The following TMEM220 variants were observed in gnomAD, a reference collection of about 807,000 sequenced individuals.
The protein encoded by TMEM220 is transmembrane protein 220.
In TMEM220, 21 loss-of-function variants were observed where a neutral mutation model predicts 21.7. That is an observed-to-expected ratio of 0.97 (90% CI 0.69 to 1.39). The LOEUF is 1.39. Among genes scored for constraint, TMEM220 ranks in the 40% most tolerant of loss-of-function variants. The pLI is 0.00. For synonymous variants in TMEM220, 80 were observed against 73.6 expected (o/e 1.09, Z -0.45); for missense variants, 191 against 201.9 (o/e 0.95, Z 0.33).
intron 4 of TMEM220, chr17:10,724,329 C>T (rs1327308103): frequency 1.3e-5 from 2 of 152,350 alleles, no homozygotes; most frequent in African/African-American, 2.4e-5. Flanking sequence ...TGCCTGTAAT[C>T]CCAGCACTTT....
intron 3 of TMEM220, 119 bp downstream of exon 3, chr17:10,726,085 G>T: frequency 1.4e-6 from 1 of 738,620 alleles, no homozygotes; most frequent in Non-Finnish European, 2.4e-6. Flanking sequence ...TTTATTATCA[G>T]AAATGAGAAG....
At position 10,729,907 on chromosome 17, in the gene TMEM220, C is replaced by A; in HGVS notation, c.-56G>T. On this transcript the variant is annotated 5_prime_UTR_variant, in exon 1 of 6. Transcript: ENST00000341871. ...TCCTGCCACGTGCGGGGCGGTGAGT[C>A]CTGCCACGTACGGTCCGCCTTCCTC... 3 of 1,273,688 alleles carry A rather than the reference C, an allele frequency of 2.4e-6. No individual in the cohort carries two copies. The highest frequency in any genetic ancestry group is 2.6e-5 in the South Asian group (1 of 39,058). 78.9% of individuals were successfully genotyped at this position (1,273,688 alleles called of 1,614,324 possible). A position where few individuals can be genotyped will look rare whatever the true frequency, so the allele number is the denominator to read the frequency against.
In TMEM220 at chr17:10,723,330, C is replaced by T. The variant is rs765354230; in HGVS notation, c.288-1G>A. The stretch of plus-strand genomic sequence containing the variant: ...AATAATCACCAGACCAGACAGCTCC[C>T]TATAAAAGGGTGTACATTTCAGATT... On this transcript the variant is annotated splice_acceptor_variant, in intron 4 of 5. Coordinates refer to ENST00000341871, the MANE Select transcript of TMEM220 (RefSeq NM_001004313.3). LOFTEE classifies it high-confidence loss of function. The T allele has an allele frequency of 6.2e-7, 1 of 1,613,898 alleles. No individual in the cohort carries two copies. The highest frequency in any genetic ancestry group is 8.5e-7 in the Non-Finnish European group (1 of 1,179,822).
intron 5 of TMEM220, among the ~76,000 whole-genome samples, chr17:10,718,268 T>C (rs2074946437): frequency 6.6e-6 from 1 of 152,238 alleles, no homozygotes; most frequent in Non-Finnish European, 1.5e-5. Context: ...TATCCACTTA[T>C]GATTTTTACA....
Position 10,714,277 on chromosome 17 carries a change from A to G in TMEM220, c.*1176T>C, listed in dbSNP as rs1405635009. On this transcript the variant is annotated 3_prime_UTR_variant, in exon 6 of 6. Transcript: ENST00000341871. ...GGAAATACTTTATCTGTATTTAGGT[A>G]TCATAAAATTTGCAATTGGAAAATT... 2 of 152,132 alleles carry G rather than the reference A, an allele frequency of 1.3e-5. No homozygotes were observed. The highest frequency in any genetic ancestry group is 4.8e-5 in the African/African-American group (2 of 41,438). The allele number at this position is 152,132 out of a possible 1,614,324, so 9.4% of individuals were successfully genotyped here.
Position 10,729,075 on chromosome 17 carries a change from T to C in TMEM220, c.73-15A>G. On this transcript the variant is annotated splice_polypyrimidine_tract_variant and intron_variant, in intron 1 of 5. Coordinates refer to ENST00000341871, the MANE Select transcript of TMEM220 (RefSeq NM_001004313.3). ...GGGTCATTTACCTGGAACGCCAGAATACCAAGGTGTTAGCAGACATCCTGT... is the reference window on the plus strand; with the variant it reads ...GGGTCATTTACCTGGAACGCCAGAACACCAAGGTGTTAGCAGACATCCTGT... The C allele has an allele frequency of 6.2e-7, 1 of 1,614,170 alleles. No homozygotes were observed. Among genetic ancestry groups the C allele is most frequent in the Non-Finnish European group, 8.5e-7 (1 of 1,179,978 alleles).
chr17:10,723,215 G>A (rs1005087834), intron 5 of TMEM220, 55 bp downstream of exon 5: 15 of 1,485,822 alleles, frequency 1.0e-5, no homozygotes, highest in East Asian at 2.3e-5. Flanking sequence ...TCCTGACCTC[G>A]TGATCTGCCC....
At chr17:10,729,679 G>T in intron 1 of TMEM220, 101 bp downstream of exon 1, 2 of 1,025,506 alleles carry the variant, frequency 2.0e-6, no homozygotes, top group Non-Finnish European at 1.3e-6. Flanking sequence ...CACTAACTGT[G>T]CGCCCCTGCG....
chr17:10,719,555 G>A (rs896309284), intron 5 of TMEM220, among the ~76,000 whole-genome samples: 3 of 152,092 alleles, frequency 2.0e-5, no homozygotes, highest in Non-Finnish European at 4.4e-5. Flanking sequence ...GTGAGCCACC[G>A]CATCCGGCCT....
intron 3 of TMEM220, 59 bp from the exon 4 acceptor site, chr17:10,725,193 A>T (rs75090223): frequency 2.5e-6 from 4 of 1,600,662 alleles, no homozygotes; most frequent in Non-Finnish European, 3.4e-6. Context: ...GAAAAAAAAA[A>T]TGATCTTTTT....
intron 5 of TMEM220, chr17:10,716,626 G>C: frequency 2.5e-6 from 1 of 394,606 alleles, no homozygotes; most frequent in Non-Finnish European, 5.0e-6. Context: ...CCTTGGAATT[G>C]ATTTTTATGA....
Position 10,723,324 on chromosome 17 carries a change from A to G in TMEM220, c.293T>C (p.Leu98Pro), listed in dbSNP as rs369190135. The G allele has an allele frequency of 5.4e-5, 87 of 1,613,946 alleles. No individual in the cohort carries two copies. The highest frequency in any genetic ancestry group is 7.2e-5 in the Non-Finnish European group (85 of 1,179,930). Reference protein sequence around the residue: ...NILHEEEGRELSGLVIITAWI... With the variant: ...NILHEEEGREPSGLVIITAWI... ...TGCTGTAATAATCACCAGACCAGAC[A>G]GCTCCCTATAAAAGGGTGTACATTT... is the stretch of plus-strand genomic sequence containing the variant. The change falls in exon 5 of 6, where the codon CTG (leucine) becomes CCG (proline). Residue 98 changes from leucine (L) to proline (P), a missense_variant. Physicochemically the swap from Leu to Pro is moderately conservative, Grantham distance 98. Coordinates refer to ENST00000341871, the MANE Select transcript of TMEM220 (RefSeq NM_001004313.3).
chr17:10,719,936 G>A (rs442304), intron 5 of TMEM220, among the ~76,000 whole-genome samples: 77,294 of 151,992 alleles, frequency 0.51, 20,376 homozygotes, highest in African/African-American at 0.65. Flanking sequence ...TATAGAAAAA[G>A]AAATATAAAT....
chr17:10,712,688 T>C (rs2074862088), downstream of TMEM220, among the ~76,000 whole-genome samples: 3 of 152,064 alleles, frequency 2.0e-5, no homozygotes, highest in South Asian at 2.1e-4. Context: ...TCAAGTAAAA[T>C]AGCAAAAGCA....
chr17:10,729,663 C>G lies in TMEM220; in HGVS notation c.72+117G>C, dbSNP rs3826447. Reference sequence around the variant, plus strand: ...CCCAAGCAGAAAGCCCAAGTCCCGTCCTCCCCACTAACTGTGCGCCCCTGC... The same window carrying G: ...CCCAAGCAGAAAGCCCAAGTCCCGTGCTCCCCACTAACTGTGCGCCCCTGC... On this transcript the variant is annotated intron_variant, in intron 1 of 5. Coordinates refer to ENST00000341871, the MANE Select transcript of TMEM220 (RefSeq NM_001004313.3). 9.0e-3 allele frequency: 7,792 copies of G among 868,784 alleles called. 410 individuals are homozygous for G. In the East Asian group the frequency reaches 0.14, roughly 16 times the overall value. 53.8% of individuals were successfully genotyped at this position (868,784 alleles called of 1,614,324 possible). A position where few individuals can be genotyped will look rare whatever the true frequency, so the allele number is the denominator to read the frequency against.
At chr17:10,721,604 C>CAAAAAAAAAAAAAAAAAAAAAA (rs1194075248) in intron 5 of TMEM220, among the ~76,000 whole-genome samples, 1 of 35,832 alleles carries the variant, frequency 2.8e-5, no homozygotes, top group African/African-American at 1.4e-4. Flanking sequence ...GACTCTGTCT[C>CAAAAAAAAAAAAAAAAAAAAAA]AAAAAAAAAA....
intron 2 of TMEM220, among the ~76,000 whole-genome samples, chr17:10,728,052 T>C (rs562704001): frequency 3.6e-3 from 540 of 151,894 alleles, no homozygotes; most frequent in African/African-American, 0.012. Context: ...CCCAGTTACT[T>C]GGGACACTGA....
rs137987855 is a variant in TMEM220 at position 10,724,507 on chromosome 17, G to A, written c.287+504C>T. 9.7e-3 allele frequency: 1,500 copies of A among 153,900 alleles called. 11 individuals carry two copies. The highest frequency in any genetic ancestry group is 0.017 in the Middle Eastern group (5 of 294). 9.5% of individuals were successfully genotyped at this position (153,900 alleles called of 1,614,324 possible). On this transcript the variant is annotated intron_variant, in intron 4 of 5. Coordinates refer to ENST00000341871, the MANE Select transcript of TMEM220 (RefSeq NM_001004313.3). Reference sequence around the variant, plus strand: ...AGGCAGAAGAATAGCTTGAACCTGGGAGACGGAAGTTGTAGTGAGCAGAGA... The same window carrying A: ...AGGCAGAAGAATAGCTTGAACCTGGAAGACGGAAGTTGTAGTGAGCAGAGA...
At chr17:10,725,265 C>T in intron 3 of TMEM220, 131 bp from the exon 4 acceptor site, 3 of 1,310,114 alleles carry the variant, frequency 2.3e-6, no homozygotes, top group Non-Finnish European at 3.1e-6. Context: ...CCCATCGCCC[C>T]TTTTTGTTTT....
Sources: gnomAD v4.1 joint callset for allele counts (sites outside exome capture counted in the v4.1 genomes callset) on GRCh38, gnomAD v4.1.1 for gene constraint, MANE v1.5 for transcripts, NCBI Gene and HGNC (gene_info 2026-07-23, HGNC 2026-07-21) for gene names.